SLIT3: variants seen among roughly 807,000 people sequenced by gnomAD.
SLIT3 encodes slit guidance ligand 3.
SLIT3 carries 68 observed loss-of-function variants against 184.0 expected under a neutral mutation model. The observed-to-expected ratio is 0.37, with a 90% CI of 0.30 to 0.45. The LOEUF (loss-of-function observed/expected upper bound fraction) is 0.45, where lower values mean the gene tolerates loss of function less well. SLIT3 is among the 20% of genes least tolerant of loss of function. The pLI, the probability that SLIT3 is intolerant of heterozygous loss-of-function variation, is 1.00. For synonymous variants in SLIT3, 831 were observed against 828.6 expected (o/e 1.00, Z -0.05); for missense variants, 1,707 against 2,026.0 (o/e 0.84, Z 3.02).
chr5:169,066,101 C>A (rs1393138818), intron 4 of SLIT3, among the ~76,000 whole-genome samples: 2 of 152,114 alleles, frequency 1.3e-5, no homozygotes, highest in African/African-American at 4.8e-5. Flanking sequence ...CACAGTCTAA[C>A]TAAAATAATG....
intron 5 of SLIT3, among the ~76,000 whole-genome samples, chr5:168,861,124 T>A (rs1759085779): frequency 6.6e-6 from 1 of 152,218 alleles, no homozygotes; most frequent in South Asian, 2.1e-4. Flanking sequence ...TTTATTATTA[T>A]ACTTTAAGTT....
intron 3 of SLIT3, among the ~76,000 whole-genome samples, chr5:169,198,976 A>ACACATGTG (rs1554106510): frequency 1.3e-5 from 2 of 149,218 alleles, no homozygotes; most frequent in East Asian, 2.0e-4. Context: ...ACACACACAC[A>ACACATGTG]TATGTGTGTA....
At chr5:169,180,973 G>GA (rs889913687) in intron 4 of SLIT3, among the ~76,000 whole-genome samples, 1 of 152,122 alleles carries the variant, frequency 6.6e-6, no homozygotes. Context: ...CTCTTCCAGG[G>GA]AAAAGAGAGC....
At chr5:169,170,304 C>T (rs1406727275) in intron 4 of SLIT3, among the ~76,000 whole-genome samples, 4 of 152,062 alleles carry the variant, frequency 2.6e-5, no homozygotes, top group African/African-American at 7.2e-5. Flanking sequence ...GAAAAGACTG[C>T]GGAAATATCA....
rs576499618 is a variant in SLIT3 at position 168,919,185 on chromosome 5, G to C, written c.414-35849C>G. Among the ~76,000 whole-genome samples the C allele has an allele frequency of 2.8e-3, 431 of 151,724 alleles. 1 individual carries two copies. The highest frequency in any genetic ancestry group is 0.01 in the African/African-American group (418 of 41,362). On this transcript the variant is annotated intron_variant, in intron 4 of 35. Transcript: ENST00000519560. ...TGAGGCAAGAGAATGGCGTGAACCCGGGAGGCGGAGGTTGCAGTGAGCCGA... is the reference window on the plus strand; with the variant it reads ...TGAGGCAAGAGAATGGCGTGAACCCCGGAGGCGGAGGTTGCAGTGAGCCGA...
intron 4 of SLIT3, among the ~76,000 whole-genome samples, chr5:169,159,722 G>C (rs1230289358): frequency 1.3e-5 from 2 of 152,140 alleles, no homozygotes; most frequent in Admixed American, 1.3e-4. Context: ...CTTGCAGTGA[G>C]CCCAGATTGC....
At chr5:168,995,006 C>A (rs1755464657) in intron 4 of SLIT3, among the ~76,000 whole-genome samples, 1 of 152,054 alleles carries the variant, frequency 6.6e-6, no homozygotes, top group African/African-American at 2.4e-5. Flanking sequence ...AAGTTAGGAG[C>A]TATTATTATG....
intron 3 of SLIT3, among the ~76,000 whole-genome samples, chr5:169,216,354 G>A (rs1019076689): frequency 1.8e-4 from 27 of 152,230 alleles, no homozygotes; most frequent in African/African-American, 5.3e-4. Context: ...GCTCCATTCC[G>A]TCCCTTTTCC....
chr5:168,840,459 G>C (rs1228836070), intron 6 of SLIT3, among the ~76,000 whole-genome samples: 2 of 116,106 alleles, frequency 1.7e-5, no homozygotes, highest in Non-Finnish European at 3.5e-5. Context: ...TTTTTTTTCT[G>C]ACCCATGATG....
intron 4 of SLIT3, among the ~76,000 whole-genome samples, chr5:168,962,311 A>AAC (rs70979116): frequency 0.054 from 8,042 of 147,562 alleles, 663 homozygotes; most frequent in African/African-American, 0.18. Context: ...CCCACCCCAC[A>AAC]ACACACACAC....
chr5:168,794,834 G>A (rs1407200064), intron 10 of SLIT3, among the ~76,000 whole-genome samples: 1 of 152,112 alleles, frequency 6.6e-6, no homozygotes. Flanking sequence ...TGCTGCCTGG[G>A]ACAGTCTTTC....
At chr5:168,803,679 T>G (rs1292883767) in intron 9 of SLIT3, among the ~76,000 whole-genome samples, 1 of 152,128 alleles carries the variant, frequency 6.6e-6, no homozygotes. Context: ...CTGGACTCTT[T>G]CATCAGACTG....
At chr5:168,776,355 C>CA (rs762538876) in intron 12 of SLIT3, among the ~76,000 whole-genome samples, 1 of 152,210 alleles carries the variant, frequency 6.6e-6, no homozygotes, top group African/African-American at 2.4e-5. Context: ...AGGGTTCACA[C>CA]AGATGTCCTC....
At chr5:168,799,960 C>A (rs1756706953) in intron 9 of SLIT3, among the ~76,000 whole-genome samples, 1 of 152,188 alleles carries the variant, frequency 6.6e-6, no homozygotes, top group Admixed American at 6.5e-5. Context: ...AACCCTTAGG[C>A]TATCCTGCCT....
intron 6 of SLIT3, among the ~76,000 whole-genome samples, chr5:168,843,879 C>T (rs1281362691): frequency 1.3e-5 from 2 of 152,110 alleles, no homozygotes; most frequent in East Asian, 3.9e-4. Context: ...TTTGAAAATC[C>T]AGAGCTCAGA....
intron 4 of SLIT3, among the ~76,000 whole-genome samples, chr5:169,187,110 G>GGTT (rs1561723876): frequency 3.1e-5 from 2 of 63,586 alleles, no homozygotes; most frequent in African/African-American, 5.7e-5. Flanking sequence ...TGCAGCTATA[G>GGTT]GTTTTTTTTT....
intron 4 of SLIT3, among the ~76,000 whole-genome samples, chr5:169,002,322 CAAAAAAAAAAAAAAAAA>C (rs397999882): frequency 6.2e-4 from 15 of 24,198 alleles, no homozygotes; most frequent in South Asian, 7.5e-3. Flanking sequence ...GACTCTGTCT[CAAAAAAAAAAAAAAAAA>C]AAAAAAAAAA....
chr5:168,797,841 GGAACGGGCAGAACTGATA>G (rs1166812425), intron 9 of SLIT3, among the ~76,000 whole-genome samples: 4 of 152,182 alleles, frequency 2.6e-5, no homozygotes, highest in Admixed American at 6.5e-5. Flanking sequence ...GACAGGGCCA[GGAACGGGCAGAACTGATA>G]TCTCTGTTTC....
chr5:169,181,985 C>T (rs905870433), intron 4 of SLIT3, among the ~76,000 whole-genome samples: 12 of 152,104 alleles, frequency 7.9e-5, no homozygotes, highest in Non-Finnish European at 1.5e-4. Flanking sequence ...AAAGCTGACT[C>T]GTTGACTAAA....
Sources: gnomAD v4.1 joint callset for allele counts (sites outside exome capture counted in the v4.1 genomes callset) on GRCh38, gnomAD v4.1.1 for gene constraint, MANE v1.5 for transcripts, NCBI Gene and HGNC (gene_info 2026-07-23, HGNC 2026-07-21) for gene names.